Variants in GCGR observed in about 807,000 individuals in gnomAD.
The protein encoded by GCGR is glucagon receptor.
GCGR carries 41 observed loss-of-function variants against 56.1 expected under a neutral mutation model. The ratio of observed to expected loss-of-function variants is 0.73; its 90% CI spans 0.57 to 0.95. The LOEUF (loss-of-function observed/expected upper bound fraction) is 0.95. Ranked by LOEUF, GCGR falls within the 40% of genes least tolerant of loss-of-function variation. GCGR has a pLI of 0.00. For missense variants in GCGR, 595 were observed against 638.2 expected, an observed-to-expected ratio of 0.93 and a Z score of 0.73; for synonymous variants, 278 against 271.1, an observed-to-expected ratio of 1.03 and a Z score of -0.25.
At chr17:81,809,179 CCTGTCTGTCTGT>C (rs567365898) in intron 2 of GCGR, 101 bp downstream of exon 2, 1 of 1,381,754 alleles carries the variant, frequency 7.2e-7, no homozygotes, top group African/African-American at 1.4e-5. Flanking sequence ...TGTCTGCCTG[CCTGTCTGTCTGT>C]CTGCCCGTCT....
Position 81,812,699 on chromosome 17 carries a change from G to A in GCGR, c.1037+34G>A. On this transcript the variant is annotated intron_variant, in intron 11 of 13. Coordinates refer to ENST00000400723, the MANE Select transcript of GCGR (RefSeq NM_000160.5). The surrounding 1 kb of genome is among the most constrained non-coding windows in gnomAD (Gnocchi z 8.5). ...CGCGGCAGCTGGCGTCTCGAGACCT[G>A]GAGACCCTCAGGGCCAGAGGGCAGC... 1.3e-6 allele frequency: 2 copies of A among 1,530,952 alleles called. No homozygotes were observed. The highest frequency in any genetic ancestry group is 8.8e-7 in the Non-Finnish European group (1 of 1,142,708). 94.8% of individuals were successfully genotyped at this position (1,530,952 alleles called of 1,614,324 possible). A position where few individuals can be genotyped will look rare whatever the true frequency, so the allele number is the denominator to read the frequency against.
At chr17:81,807,420 C>T (rs1221836391) in intron 1 of GCGR, among the ~76,000 whole-genome samples, 4 of 152,206 alleles carry the variant, frequency 2.6e-5, no homozygotes, top group African/African-American at 7.2e-5. Context: ...TCTCAGGCCC[C>T]GTTAGCGGGG....
Position 81,811,641 on chromosome 17 carries a change from C to T in GCGR, c.658-10C>T, listed in dbSNP as rs947782180. On this transcript the variant is annotated splice_polypyrimidine_tract_variant and intron_variant, in intron 7 of 13. Transcript: ENST00000400723. The surrounding 1 kb of genome is among the most constrained non-coding windows in gnomAD (Gnocchi z 5.8). ...GCCACGTAGCCGCGCTCACACTGCA[C>T]CTGTACCAGGCGGTGGCTGGCTGCC... 6.5e-7 allele frequency: 1 copy of T among 1,536,292 alleles called. No individual in the cohort carries two copies. Among genetic ancestry groups the T allele is most frequent in the East Asian group, 2.4e-5 (1 of 40,912 alleles).
chr17:81,806,155 C>T lies in GCGR; in HGVS notation c.-178+1906C>T, dbSNP rs577295394. Among the ~76,000 whole-genome samples the T allele has an allele frequency of 6.6e-6, 1 of 152,266 alleles. No homozygotes were observed. The highest frequency in any genetic ancestry group is 2.4e-5 in the African/African-American group (1 of 41,550). On this transcript the variant is annotated intron_variant, in intron 1 of 13. Coordinates refer to ENST00000400723, the MANE Select transcript of GCGR (RefSeq NM_000160.5). The surrounding 1 kb of genome is among the most constrained non-coding windows in gnomAD (Gnocchi z 6.5). ...TGGGTGCTCAGCTGGAAATTGGTCC[C>T]CCCCCGGCTCCACCCACCCCTGTTG...
rs2038051790 is a variant in GCGR at position 81,809,694 on chromosome 17, C to CCTGCCTGCCTGT, written c.61-80_61-69dup. The CCTGCCTGCCTGT allele has an allele frequency of 2.6e-5, 24 of 916,238 alleles. No homozygotes were observed. In the East Asian group the frequency reaches 5.3e-4, roughly 20 times the overall value. The allele number at this position is 916,238 out of a possible 1,614,324, so 56.8% of individuals were successfully genotyped here. A position where few individuals can be genotyped will look rare whatever the true frequency, so the allele number is the denominator to read the frequency against. The stretch of plus-strand genomic sequence containing the variant: ...GTCTGTCCATCTGCCTATCCATCTA[C>CCTGCCTGCCTGT]CTGCCTGCCTGTCTGCCTGTCTGTC... On this transcript the variant is annotated intron_variant, in intron 2 of 13. Transcript: ENST00000400723.
chr17:81,807,706 T>C (rs1192059990), intron 1 of GCGR, among the ~76,000 whole-genome samples: 1 of 152,208 alleles, frequency 6.6e-6, no homozygotes, highest in Non-Finnish European at 1.5e-5. Context: ...CGGGGGCTCA[T>C]AGCCAGCCAC....
In GCGR at chr17:81,806,069, C is replaced by T. The variant is rs571759643; in HGVS notation, c.-178+1820C>T. 1.3e-5 allele frequency among the ~76,000 whole-genome samples: 2 copies of T among 152,204 alleles called. No homozygotes were observed. Among genetic ancestry groups the T allele is most frequent in the East Asian group, 1.9e-4 (1 of 5,174 alleles). On this transcript the variant is annotated intron_variant, in intron 1 of 13. Coordinates refer to ENST00000400723, the MANE Select transcript of GCGR (RefSeq NM_000160.5). This position sits in a 1 kb window ranked among gnomAD's most constrained non-coding sequence, Gnocchi z 6.5. Reference sequence around the variant, plus strand: ...AGGGTCCCCACTTGGGAAGTTAAATCGTCGTCCCCGTCCCAGGACCACAGC... The same window carrying T: ...AGGGTCCCCACTTGGGAAGTTAAATTGTCGTCCCCGTCCCAGGACCACAGC...
rs957734496 is a variant in GCGR, at chr17:81,806,049, C to G, written c.-178+1800C>G. 1.3e-5 allele frequency among the ~76,000 whole-genome samples: 2 copies of G among 152,122 alleles called. No individual in the cohort carries two copies. The highest frequency in any genetic ancestry group is 3.9e-4 in the East Asian group (2 of 5,184). ...GTCACCTTCAGTGATGGGGCAGGGT[C>G]CCCACTTGGGAAGTTAAATCGTCGT... On this transcript the variant is annotated intron_variant, in intron 1 of 13. Coordinates refer to ENST00000400723, the MANE Select transcript of GCGR (RefSeq NM_000160.5). This position sits in a 1 kb window ranked among gnomAD's most constrained non-coding sequence, Gnocchi z 6.5.
rs1278321823 is a variant in GCGR at position 81,809,775 on chromosome 17, C to A, written c.61-7C>A. ...TCTGTCTGGTTGCTTGTGCATGTGTCCCCCAGCCACAGGTCCCCTCCGCTC... is the reference window on the plus strand; with the variant it reads ...TCTGTCTGGTTGCTTGTGCATGTGTACCCCAGCCACAGGTCCCCTCCGCTC... On this transcript the variant is annotated splice_region_variant and splice_polypyrimidine_tract_variant and intron_variant, in intron 2 of 13. Coordinates refer to ENST00000400723, the MANE Select transcript of GCGR (RefSeq NM_000160.5). 1.4e-5 allele frequency: 21 copies of A among 1,534,006 alleles called. No homozygotes were observed. The highest frequency in any genetic ancestry group is 1.7e-5 in the Non-Finnish European group (20 of 1,144,796).
intron 1 of GCGR, among the ~76,000 whole-genome samples, chr17:81,805,804 G>A (rs1243338204): frequency 2.0e-5 from 3 of 152,144 alleles, no homozygotes; most frequent in South Asian, 4.1e-4. Context: ...CTGGTGGGTC[G>A]TCCCACCTAC....
Position 81,810,996 on chromosome 17 carries a change from C to A in GCGR, c.272-14C>A. ...CAGGGTGGGGCTGACCCCAGCCTCC[C>A]CCCACACCCCCAGTGCAACACCGCT... On this transcript the variant is annotated splice_polypyrimidine_tract_variant and intron_variant, in intron 4 of 13. Coordinates refer to ENST00000400723, the MANE Select transcript of GCGR (RefSeq NM_000160.5). This position sits in a 1 kb window ranked among gnomAD's most constrained non-coding sequence, Gnocchi z 4.6. The A allele has an allele frequency of 6.5e-7, 1 of 1,535,846 alleles. No homozygotes were observed. The highest frequency in any genetic ancestry group is 2.4e-5 in the East Asian group (1 of 40,914).
Position 81,811,293 on chromosome 17 carries a change from C to T in GCGR, c.465C>T (p.Ala155=), listed in dbSNP as rs5386. 5.9e-6 allele frequency: 9 copies of T among 1,535,732 alleles called. No individual in the cohort carries two copies. The highest frequency in any genetic ancestry group is 7.9e-6 in the Non-Finnish European group (9 of 1,146,426). ...YTVGYSLSLG[A]LLLALAILGG... The stretch of plus-strand genomic sequence containing the variant: ...TGGGCTACAGCCTGTCCCTGGGGGC[C>T]CTGCTCCTCGCCTTGGCCATCCTGG... Residue 155 remains alanine (A), a synonymous_variant, in exon 6 of 14, where the codon GCC becomes GCT. Coordinates refer to ENST00000400723, the MANE Select transcript of GCGR (RefSeq NM_000160.5). The surrounding 1 kb of genome is among the most constrained non-coding windows in gnomAD (Gnocchi z 5.8).
Position 81,809,897 on chromosome 17 carries a change from C to T in GCGR, c.163+13C>T. On this transcript the variant is annotated intron_variant, in intron 3 of 13. Coordinates refer to ENST00000400723, the MANE Select transcript of GCGR (RefSeq NM_000160.5). ...CCCCCTCCCACGGGTGAGCCCCCCA[C>T]CCAGAGCCTTTCAGCCTGTGCCTGG... 1 of 1,516,482 alleles carries T rather than the reference C, an allele frequency of 6.6e-7. No individual in the cohort carries two copies. The highest frequency in any genetic ancestry group is 8.9e-7 in the Non-Finnish European group (1 of 1,128,676). The allele number at this position is 1,516,482 out of a possible 1,614,324, so 93.9% of individuals were successfully genotyped here. A position where few individuals can be genotyped will look rare whatever the true frequency, so the allele number is the denominator to read the frequency against.
rs1203223250 is a variant in GCGR, at chr17:81,812,995, CT to C, written c.1177-20del. The C allele has an allele frequency of 1.0e-5, 16 of 1,536,198 alleles. No individual in the cohort carries two copies. The highest frequency in any genetic ancestry group is 1.4e-5 in the African/African-American group (1 of 73,154). On this transcript the variant is annotated intron_variant, in intron 12 of 13. Coordinates refer to ENST00000400723, the MANE Select transcript of GCGR (RefSeq NM_000160.5). The surrounding 1 kb of genome is among the most constrained non-coding windows in gnomAD (Gnocchi z 8.5). ...CCGCCCGGGGCGCAGTGTGCCACCC[CT>C]GACCACCCTGTCTCTCCAGGGCCTG...
Position 81,810,403 on chromosome 17 carries a change from G to A in GCGR, c.164-422G>A, listed in dbSNP as rs181902699. On this transcript the variant is annotated intron_variant, in intron 3 of 13. Transcript: ENST00000400723. The surrounding 1 kb of genome is among the most constrained non-coding windows in gnomAD (Gnocchi z 4.6). The stretch of plus-strand genomic sequence containing the variant: ...TGGCAGCCTCCATTGGGCAGAGGGA[G>A]CAGATGTGGCAGCCACAGGTTTGGC... 605 of 337,786 alleles carry A rather than the reference G, an allele frequency of 1.8e-3. 2 individuals carry two copies. The highest frequency in any genetic ancestry group is 3.8e-3 in the Admixed American group (89 of 23,396). 20.9% of individuals were successfully genotyped at this position (337,786 alleles called of 1,614,324 possible).
chr17:81,804,537 G>T lies in GCGR; in HGVS notation c.-178+288G>T, dbSNP rs1030165435. 3.3e-5 allele frequency among the ~76,000 whole-genome samples: 5 copies of T among 151,654 alleles called. No homozygotes were observed. The highest frequency in any genetic ancestry group is 5.9e-5 in the Non-Finnish European group (4 of 67,896). ...GCTGGGGGCGGGGGTGTCGCTGGCC[G>T]CCTGGCGCCCTGCGGCGGCCACACT... On this transcript the variant is annotated intron_variant, in intron 1 of 13. Transcript: ENST00000400723. The surrounding 1 kb of genome is among the most constrained non-coding windows in gnomAD (Gnocchi z 8.2).
At chr17:81,808,224 C>T (rs934573392) in intron 1 of GCGR, among the ~76,000 whole-genome samples, 3 of 152,254 alleles carry the variant, frequency 2.0e-5, no homozygotes, top group Admixed American at 6.5e-5. Flanking sequence ...GTCCAGGCAC[C>T]GCCACCCTCA....
At chr17:81,809,698 C>A in intron 2 of GCGR, 84 bp from the exon 3 acceptor site, 1 of 1,041,796 alleles carries the variant, frequency 9.6e-7, no homozygotes, top group South Asian at 1.4e-5. Flanking sequence ...CATCTACCTG[C>A]CTGCCTGTCT....
intron 1 of GCGR, among the ~76,000 whole-genome samples, chr17:81,805,499 CCATTGGGCACCTCGGGAACCCCCCA>C (rs2037939512): frequency 2.0e-5 from 3 of 151,170 alleles, no homozygotes; most frequent in East Asian, 1.9e-4. Flanking sequence ...GGGAGCCCCC[CCATTGGGCACCTCGGGAACCCCCCA>C]CATTGGGCAC....
Sources: allele counts gnomAD v4.1 joint callset (sites outside exome capture counted in the v4.1 genomes callset), GRCh38; gene constraint gnomAD v4.1.1; non-coding constraint Gnocchi (gnomAD v3.1); transcripts MANE v1.5; gene names NCBI Gene and HGNC (gene_info 2026-07-23, HGNC 2026-07-21).